The following NARS2 variants were observed in gnomAD, a reference collection of about 807,000 sequenced individuals.
The protein encoded by NARS2 is asparaginyl-tRNA synthetase.
In NARS2, 60 loss-of-function variants were observed where a neutral mutation model predicts 62.9. The observed-to-expected ratio is 0.95, with a 90% CI of 0.77 to 1.18. NARS2 has a LOEUF of 1.18. Among genes scored for constraint, NARS2 ranks in the 50% most tolerant of loss-of-function variants. The pLI is 0.00. For synonymous variants in NARS2, 196 were observed against 200.0 expected (o/e 0.98, Z 0.17); for missense variants, 619 against 576.4 (o/e 1.07, Z -0.76).
intron 5 of NARS2, among the ~76,000 whole-genome samples, chr11:78,530,712 C>CCTCCTGACCTCAAGTGATCTGCT (rs1861446487): frequency 6.6e-6 from 1 of 152,108 alleles, no homozygotes; most frequent in African/African-American, 2.4e-5. Flanking sequence ...AGTGATCTGC[C>CCTCCTGACCTCAAGTGATCTGCT]GGCCTCAGCC....
rs373611480 is a variant in NARS2, at chr11:78,438,988, T to C, written c.1289+2103A>G. 5.5e-4 allele frequency among the ~76,000 whole-genome samples: 83 copies of C among 152,286 alleles called. No homozygotes were observed. In the South Asian group the frequency reaches 0.016, roughly 29 times the overall value. ...CTAAACTTATTTAACCAATTTTTTTTTTTTTGAGATGGAGTCTCACTCTAT... is the reference window on the plus strand; with the variant it reads ...CTAAACTTATTTAACCAATTTTTTTCTTTTTGAGATGGAGTCTCACTCTAT... On this transcript the variant is annotated intron_variant, in intron 13 of 13. Coordinates refer to ENST00000281038, the MANE Select transcript of NARS2 (RefSeq NM_024678.6).
In NARS2 at chr11:78,518,667, G is replaced by A. The variant is rs1242898507; in HGVS notation, c.689+10175C>T. 3.9e-5 allele frequency among the ~76,000 whole-genome samples: 6 copies of A among 151,940 alleles called. No homozygotes were observed. The East Asian group carries it at 7.7e-4, about 20-fold the overall frequency. The stretch of plus-strand genomic sequence containing the variant: ...GGAGTAGCTGGGACTACAGGCGCCC[G>A]CCACCACGCCCGGCCAATTTTTTGT... On this transcript the variant is annotated intron_variant, in intron 6 of 13. Transcript: ENST00000281038.
At chr11:78,512,568 TC>T (rs971552183) in intron 6 of NARS2, among the ~76,000 whole-genome samples, 36 of 151,912 alleles carry the variant, frequency 2.4e-4, no homozygotes, top group African/African-American at 8.2e-4. Flanking sequence ...GGAGGCTCGG[TC>T]ATTAAGCTTA....
At chr11:78,567,269 T>A (rs975065614) in intron 3 of NARS2, among the ~76,000 whole-genome samples, 1 of 152,128 alleles carries the variant, frequency 6.6e-6, no homozygotes, top group Non-Finnish European at 1.5e-5. Flanking sequence ...ACATTATGTT[T>A]TTTCTTCCAC....
At chr11:78,451,602 A>G (rs189700217) in intron 11 of NARS2, among the ~76,000 whole-genome samples, 228 of 152,374 alleles carry the variant, frequency 1.5e-3, no homozygotes, top group African/African-American at 5.2e-3. Flanking sequence ...ACTGGCTTAT[A>G]GAGCCAAGGA....
At chr11:78,478,202 T>A (rs1307784191) in intron 9 of NARS2, among the ~76,000 whole-genome samples, 1 of 152,066 alleles carries the variant, frequency 6.6e-6, no homozygotes, top group African/African-American at 2.4e-5. Context: ...TTTATTAATT[T>A]ATTGATGAAA....
At chr11:78,486,266 C>A (rs910794409) in intron 7 of NARS2, among the ~76,000 whole-genome samples, 13 of 151,900 alleles carry the variant, frequency 8.6e-5, no homozygotes, top group African/African-American at 3.1e-4. Context: ...CAACTAAGAC[C>A]TGGGAGAAAT....
At chr11:78,532,223 T>G (rs1334584059) in intron 5 of NARS2, among the ~76,000 whole-genome samples, 1 of 152,126 alleles carries the variant, frequency 6.6e-6, no homozygotes, top group Non-Finnish European at 1.5e-5. Context: ...GGGAAGGATT[T>G]CTTTAACAAA....
At chr11:78,535,766 C>T (rs985524478) in intron 5 of NARS2, among the ~76,000 whole-genome samples, 1 of 151,978 alleles carries the variant, frequency 6.6e-6, no homozygotes, top group Non-Finnish European at 1.5e-5. Context: ...TACAGGCATG[C>T]ACCACCACGC....
chr11:78,461,516 C>T, intron 11 of NARS2, among the ~76,000 whole-genome samples: 1 of 147,070 alleles, frequency 6.8e-6, no homozygotes, highest in South Asian at 2.1e-4. Context: ...CATTACTGAT[C>T]CTAACAAGAG....
At chr11:78,568,549 AT>A in intron 3 of NARS2, 82 bp downstream of exon 3, 1 of 1,441,776 alleles carries the variant, frequency 6.9e-7, no homozygotes, top group Non-Finnish European at 9.3e-7. Context: ...TCTAAGTTTC[AT>A]CTTCCTAATA....
At chr11:78,487,569 C>G (rs559323988) in intron 7 of NARS2, among the ~76,000 whole-genome samples, 71 of 151,944 alleles carry the variant, frequency 4.7e-4, no homozygotes, top group African/African-American at 1.7e-3. Flanking sequence ...TGAAAACTCC[C>G]CCAAGTTGGC....
At chr11:78,444,249 T>G (rs1857674180) in intron 11 of NARS2, among the ~76,000 whole-genome samples, 2 of 152,208 alleles carry the variant, frequency 1.3e-5, no homozygotes, top group South Asian at 4.1e-4. Flanking sequence ...TTTAACTGCT[T>G]TCCTTTTTAG....
intron 6 of NARS2, among the ~76,000 whole-genome samples, chr11:78,505,005 G>A (rs990026549): frequency 3.2e-4 from 48 of 151,654 alleles, no homozygotes; most frequent in Admixed American, 2.8e-3. Flanking sequence ...AAATGTTTCC[G>A]TGGTTTCTAT....
chr11:78,454,516 C>T lies in NARS2; in HGVS notation c.1165-10758G>A, dbSNP rs137987342. On this transcript the variant is annotated intron_variant, in intron 11 of 13. Transcript: ENST00000281038. ...TTTGCCTTTTTGTCATGAGTAAAAG[C>T]TTCCTGAGGCCACACCAGAAGCTGA... 5.9e-5 allele frequency among the ~76,000 whole-genome samples: 9 copies of T among 152,212 alleles called. 1 individual carries two copies. In the East Asian group the frequency reaches 1.7e-3, roughly 29 times the overall value.
intron 4 of NARS2, 64 bp from the exon 5 acceptor site, chr11:78,559,683 C>T: frequency 9.2e-7 from 1 of 1,082,198 alleles, no homozygotes. Context: ...AACACACATC[C>T]TCTTATAGTA....
chr11:78,492,892 C>G (rs1308655283), intron 7 of NARS2, among the ~76,000 whole-genome samples, 171 bp downstream of exon 7: 1 of 152,178 alleles, frequency 6.6e-6, no homozygotes, highest in Non-Finnish European at 1.5e-5. Flanking sequence ...ATCTGTCTGA[C>G]TCTTGTATTT....
intron 6 of NARS2, among the ~76,000 whole-genome samples, chr11:78,510,563 A>C (rs1279524767): frequency 2.0e-5 from 3 of 152,186 alleles, no homozygotes; most frequent in Non-Finnish European, 4.4e-5. Flanking sequence ...AAGATAACTA[A>C]AAAGAGAGAG....
At chr11:78,518,664 C>A (rs957935905) in intron 6 of NARS2, among the ~76,000 whole-genome samples, 11 of 152,122 alleles carry the variant, frequency 7.2e-5, no homozygotes, top group African/African-American at 2.7e-4. Context: ...ACTACAGGCG[C>A]CCGCCACCAC....
Sources: gnomAD v4.1 joint callset for allele counts (sites outside exome capture counted in the v4.1 genomes callset) on GRCh38, gnomAD v4.1.1 for gene constraint, MANE v1.5 for transcripts, NCBI Gene and HGNC (gene_info 2026-07-23, HGNC 2026-07-21) for gene names.